The following SPSB1 variants were observed in gnomAD, a reference collection of about 807,000 sequenced individuals.
The protein encoded by SPSB1 is SPRY domain-containing SOCS box protein 1.
SPSB1 carries 8 observed loss-of-function variants against 21.2 expected under a neutral mutation model. That is an observed-to-expected ratio of 0.38 (90% CI 0.22 to 0.68). The LOEUF (loss-of-function observed/expected upper bound fraction) is 0.68. SPSB1 is among the 30% of genes least tolerant of loss of function. The pLI, the probability that SPSB1 is intolerant of heterozygous loss-of-function variation, is 0.53. For missense variants in SPSB1, 242 were observed against 377.8 expected, an observed-to-expected ratio of 0.64 and a Z score of 2.98; for synonymous variants, 169 against 161.7, an observed-to-expected ratio of 1.05 and a Z score of -0.34.
At position 9,368,654 on chromosome 1, in the gene SPSB1, G is replaced by C. The variant is rs930429649; in HGVS notation, c.*1079G>C. The C allele has an allele frequency of 5.3e-5, 8 of 152,142 alleles. No homozygotes were observed. The highest frequency in any genetic ancestry group is 1.9e-4 in the African/African-American group (8 of 41,424). 9.4% of individuals were successfully genotyped at this position (152,142 alleles called of 1,614,324 possible). A position where few individuals can be genotyped will look rare whatever the true frequency, so the allele number is the denominator to read the frequency against. On this transcript the variant is annotated 3_prime_UTR_variant, in exon 3 of 3. Coordinates refer to ENST00000328089, the MANE Select transcript of SPSB1 (RefSeq NM_025106.4). The stretch of plus-strand genomic sequence containing the variant: ...ATCCTCAGAAGCTCTGGGTGTGCCA[G>C]AGGACCCCCAGAACTAAGAAGGGAG...
At chr1:9,311,732 G>A (rs1639522773) in intron 1 of SPSB1, among the ~76,000 whole-genome samples, 1 of 152,100 alleles carries the variant, frequency 6.6e-6, no homozygotes, top group Non-Finnish European at 1.5e-5. Context: ...GGGTTGCCGA[G>A]TGGTAGACGT....
intron 1 of SPSB1, among the ~76,000 whole-genome samples, chr1:9,298,091 G>A (rs1387032268): frequency 6.6e-6 from 1 of 152,208 alleles, no homozygotes; most frequent in Non-Finnish European, 1.5e-5. Flanking sequence ...GACGGCAGAG[G>A]CAAAGCTGCC....
At position 9,355,746 on chromosome 1, in the gene SPSB1, A is replaced by G. The variant is rs980545287; in HGVS notation, c.-146A>G. 1.6e-5 allele frequency: 23 copies of G among 1,444,166 alleles called. No homozygotes were observed. Among genetic ancestry groups the G allele is most frequent in the Non-Finnish European group, 2.0e-5 (22 of 1,099,544 alleles). 89.5% of individuals were successfully genotyped at this position (1,444,166 alleles called of 1,614,324 possible). A position where few individuals can be genotyped will look rare whatever the true frequency, so the allele number is the denominator to read the frequency against. On this transcript the variant is annotated 5_prime_UTR_variant, in exon 2 of 3. Coordinates refer to ENST00000328089, the MANE Select transcript of SPSB1 (RefSeq NM_025106.4). ...TGTTTGTCTTTCCGTCCATTAGGCAATACTGAACACTGCGCAGCTTGCAGA... is the reference window on the plus strand; with the variant it reads ...TGTTTGTCTTTCCGTCCATTAGGCAGTACTGAACACTGCGCAGCTTGCAGA...
intron 2 of SPSB1, among the ~76,000 whole-genome samples, chr1:9,365,464 G>A (rs112557775): frequency 0.037 from 5,576 of 152,298 alleles, 111 homozygotes; most frequent in Non-Finnish European, 0.059. Context: ...GCATTATCAA[G>A]CCTAAGGTCC....
At chr1:9,294,847 A>G (rs905882368) in intron 1 of SPSB1, among the ~76,000 whole-genome samples, 1 of 151,988 alleles carries the variant, frequency 6.6e-6, no homozygotes, top group African/African-American at 2.4e-5. Flanking sequence ...CCCCCCTCCC[A>G]GTGGTGGAAA....
intron 1 of SPSB1, among the ~76,000 whole-genome samples, chr1:9,327,804 A>G (rs927267927): frequency 1.1e-4 from 16 of 152,376 alleles, no homozygotes; most frequent in African/African-American, 3.8e-4. Flanking sequence ...GCAGCCACAG[A>G]CAACATGTAA....
chr1:9,316,620 A>G (rs1639619734), intron 1 of SPSB1, among the ~76,000 whole-genome samples: 1 of 152,010 alleles, frequency 6.6e-6, no homozygotes, highest in Non-Finnish European at 1.5e-5. Flanking sequence ...GCGTTTTGCT[A>G]CCTTAGAGCC....
Position 9,324,919 on chromosome 1 carries a change from G to A in SPSB1, c.-149-30824G>A, listed in dbSNP as rs944217332. 6.6e-6 allele frequency among the ~76,000 whole-genome samples: 1 copy of A among 152,240 alleles called. No homozygotes were observed. Among genetic ancestry groups the A allele is most frequent in the African/African-American group, 2.4e-5 (1 of 41,460 alleles). ...ATGCTTTCTTGGAAAAGCGAGTGGGGTGGGGGAGCAGGGACACCCGGCCTG... is the reference window on the plus strand; with the variant it reads ...ATGCTTTCTTGGAAAAGCGAGTGGGATGGGGGAGCAGGGACACCCGGCCTG... On this transcript the variant is annotated intron_variant, in intron 1 of 2. Coordinates refer to ENST00000328089, the MANE Select transcript of SPSB1 (RefSeq NM_025106.4). The surrounding 1 kb of genome is among the most constrained non-coding windows in gnomAD (Gnocchi z 4.3).
intron 1 of SPSB1, among the ~76,000 whole-genome samples, chr1:9,313,924 C>T (rs1233540280): frequency 6.6e-6 from 1 of 152,176 alleles, no homozygotes; most frequent in African/African-American, 2.4e-5. Flanking sequence ...GCCTGTAATC[C>T]CAACATTTTG....
At chr1:9,329,372 A>G (rs1409688175) in intron 1 of SPSB1, among the ~76,000 whole-genome samples, 1 of 152,038 alleles carries the variant, frequency 6.6e-6, no homozygotes, top group African/African-American at 2.4e-5. Flanking sequence ...GCTGGAGGGC[A>G]GTGATGGAGA....
At chr1:9,331,563 C>G (rs1639920819) in intron 1 of SPSB1, among the ~76,000 whole-genome samples, 1 of 152,108 alleles carries the variant, frequency 6.6e-6, no homozygotes, top group Non-Finnish European at 1.5e-5. Context: ...AACTCCTGAC[C>G]TCAGTTGATC....
chr1:9,298,856 G>A (rs28873434), intron 1 of SPSB1, among the ~76,000 whole-genome samples: 1 of 152,348 alleles, frequency 6.6e-6, no homozygotes, highest in Middle Eastern at 3.4e-3. Flanking sequence ...CTGGTTCCCT[G>A]CCTTGTGCGG....
chr1:9,328,150 C>T (rs1180065668), intron 1 of SPSB1, among the ~76,000 whole-genome samples: 1 of 152,228 alleles, frequency 6.6e-6, no homozygotes, highest in Admixed American at 6.5e-5. Context: ...ACACCCCCTC[C>T]TATAGAGCCA....
rs188268350 is a variant in SPSB1 at position 9,357,402 on chromosome 1, C to T, written c.694+817C>T. ...ATTAATAAGTAGGTGGTCTTTGTTT[C>T]TCTGGGTGACCTGCCTCCAGGTTTG... On this transcript the variant is annotated intron_variant, in intron 2 of 2. Transcript: ENST00000328089. 3.5e-4 allele frequency among the ~76,000 whole-genome samples: 54 copies of T among 152,296 alleles called. 1 individual carries two copies. The highest frequency in any genetic ancestry group is 1.2e-3 in the African/African-American group (51 of 41,562).
At chr1:9,326,267 A>G (rs1009827751) in intron 1 of SPSB1, among the ~76,000 whole-genome samples, 1 of 151,710 alleles carries the variant, frequency 6.6e-6, no homozygotes, top group Non-Finnish European at 1.5e-5. Context: ...TCCCAGCACC[A>G]CCCCAAGGGC....
At chr1:9,295,207 T>A (rs564660593) in intron 1 of SPSB1, among the ~76,000 whole-genome samples, 17 of 92,488 alleles carry the variant, frequency 1.8e-4, no homozygotes, top group East Asian at 3.5e-4. Context: ...TGTGTGTGTG[T>A]GAGAGTGTGA....
At chr1:9,331,744 C>G (rs1639924001) in intron 1 of SPSB1, among the ~76,000 whole-genome samples, 1 of 152,160 alleles carries the variant, frequency 6.6e-6, no homozygotes, top group African/African-American at 2.4e-5. Flanking sequence ...TACTTGCTCT[C>G]CGCTTCCTGT....
intron 1 of SPSB1, among the ~76,000 whole-genome samples, chr1:9,323,236 T>A (rs1357878512): frequency 6.6e-6 from 1 of 152,216 alleles, no homozygotes; most frequent in African/African-American, 2.4e-5. Flanking sequence ...GGCTGGCGGC[T>A]TTGAGCGTCT....
rs1640351671 is a variant in SPSB1 at position 9,355,787 on chromosome 1, C to G, written c.-105C>G. On this transcript the variant is annotated 5_prime_UTR_variant, in exon 2 of 3. Coordinates refer to ENST00000328089, the MANE Select transcript of SPSB1 (RefSeq NM_025106.4). ...AGCTTGCAGAGGTCTCCTGGCAGCC[C>G]TCATTAGGAATTCTGTCTGGCCCCG... 2.0e-6 allele frequency: 3 copies of G among 1,493,762 alleles called. No individual in the cohort carries two copies. The highest frequency in any genetic ancestry group is 2.7e-6 in the Non-Finnish European group (3 of 1,122,832). 92.5% of individuals were successfully genotyped at this position (1,493,762 alleles called of 1,614,324 possible). A position where few individuals can be genotyped will look rare whatever the true frequency, so the allele number is the denominator to read the frequency against.
Sources: allele counts gnomAD v4.1 joint callset (sites outside exome capture counted in the v4.1 genomes callset), GRCh38; gene constraint gnomAD v4.1.1; non-coding constraint Gnocchi (gnomAD v3.1); transcripts MANE v1.5; gene names NCBI Gene and HGNC (gene_info 2026-07-23, HGNC 2026-07-21).